ADGRL2: variants seen among roughly 807,000 people sequenced by gnomAD.
ADGRL2 encodes the protein adhesion G protein-coupled receptor L2.
A neutral mutation model predicts 157.4 loss-of-function variants in ADGRL2; 44 were observed. The observed-to-expected ratio is 0.28, with a 90% CI of 0.22 to 0.36. ADGRL2 has a LOEUF of 0.36. Ranked by LOEUF, ADGRL2 falls within the 10% of genes least tolerant of loss-of-function variation. The probability of loss-of-function intolerance (pLI) is 1.00; values close to 1 mark genes in which losing one functional copy is unlikely to be tolerated. For missense variants in ADGRL2, 1,510 were observed against 1,768.9 expected, an observed-to-expected ratio of 0.85 and a Z score of 2.63; for synonymous variants, 585 against 624.7, an observed-to-expected ratio of 0.94 and a Z score of 0.95.
chr1:81,777,622 G>A (rs2086639126), intron 2 of ADGRL2, among the ~76,000 whole-genome samples: 1 of 152,066 alleles, frequency 6.6e-6, no homozygotes, highest in Non-Finnish European at 1.5e-5. Context: ...AATTAGCCCG[G>A]TGTCATGGCA....
At chr1:81,421,172 T>C (rs2077117817) in intron 1 of ADGRL2, among the ~76,000 whole-genome samples, 1 of 152,206 alleles carries the variant, frequency 6.6e-6, no homozygotes, top group African/African-American at 2.4e-5. Context: ...TTTCTCCTAT[T>C]ACGTGTTTAT....
chr1:81,490,847 G>T (rs567818706), intron 2 of ADGRL2, among the ~76,000 whole-genome samples: 2 of 152,252 alleles, frequency 1.3e-5, no homozygotes, highest in African/African-American at 2.4e-5. Flanking sequence ...AATGTACATA[G>T]CAACTTTATT....
intron 3 of ADGRL2, among the ~76,000 whole-genome samples, chr1:81,924,981 T>G (rs2095070749): frequency 6.6e-6 from 1 of 152,106 alleles, no homozygotes; most frequent in Non-Finnish European, 1.5e-5. Flanking sequence ...AGAAGGATCC[T>G]CTGTTAGAAC....
At chr1:81,550,640 G>A (rs2080123400) in intron 2 of ADGRL2, among the ~76,000 whole-genome samples, 1 of 152,150 alleles carries the variant, frequency 6.6e-6, no homozygotes, top group Non-Finnish European at 1.5e-5. Flanking sequence ...GCAGCACGCC[G>A]AGTTGGCAGT....
At chr1:81,579,544 G>A (rs749412169) in intron 2 of ADGRL2, among the ~76,000 whole-genome samples, 5 of 152,066 alleles carry the variant, frequency 3.3e-5, no homozygotes, top group Non-Finnish European at 5.9e-5. Flanking sequence ...TATATTTGAT[G>A]GTGAAAAAGT....
rs2094037084 is a variant in ADGRL2, at chr1:81,883,363, A to G, written c.74-23654A>G. 2.6e-5 allele frequency among the ~76,000 whole-genome samples: 4 copies of G among 152,212 alleles called. No individual in the cohort carries two copies. In the South Asian group the frequency reaches 6.2e-4, roughly 24 times the overall value. The stretch of plus-strand genomic sequence containing the variant: ...CGTAAATGTCAAATTAACACAGGCC[A>G]GTAGGAACATTTGTGATCATGTTCT... On this transcript the variant is annotated intron_variant, in intron 2 of 23. Transcript: ENST00000686636.
intron 1 of ADGRL2, among the ~76,000 whole-genome samples, chr1:81,719,642 T>C (rs1247311678): frequency 6.6e-6 from 1 of 152,220 alleles, no homozygotes; most frequent in Non-Finnish European, 1.5e-5. Flanking sequence ...CTTTTCTCTT[T>C]ACTCTCTCCA....
At chr1:81,891,069 G>T (rs1337811146) in intron 2 of ADGRL2, among the ~76,000 whole-genome samples, 4 of 151,422 alleles carry the variant, frequency 2.6e-5, no homozygotes, top group Admixed American at 1.3e-4. Flanking sequence ...TCTTGTTTTT[G>T]TTTTTTATTT....
intron 1 of ADGRL2, among the ~76,000 whole-genome samples, chr1:81,317,260 A>C: frequency 6.6e-6 from 1 of 152,158 alleles, no homozygotes; most frequent in East Asian, 1.9e-4. Flanking sequence ...GTAGCTCAGA[A>C]GGAGGTATTT....
rs1040664474 is a variant in ADGRL2, at chr1:81,446,395, G to T, written c.-248+1306G>T. ...GCACAGTTCTTCCAGATCACAAACG[G>T]ATGATTATGATCACCATTAGCACTT... On this transcript the variant is annotated intron_variant, in intron 2 of 24. Transcript: ENST00000370721. Among the ~76,000 whole-genome samples the T allele has an allele frequency of 5.3e-5, 8 of 152,142 alleles. No individual in the cohort carries two copies. The South Asian group carries it at 1.5e-3, about 28-fold the overall frequency.
intron 1 of ADGRL2, chr1:81,721,735 G>T: frequency 7.0e-7 from 1 of 1,419,600 alleles, no homozygotes; most frequent in Admixed American, 1.7e-5. Context: ...TTGTGAAAAT[G>T]TGTAAGCAGG....
intron 1 of ADGRL2, among the ~76,000 whole-genome samples, chr1:81,829,843 A>G (rs868799375): frequency 1.3e-5 from 2 of 152,168 alleles, no homozygotes; most frequent in Non-Finnish European, 1.5e-5. Context: ...CTACCCTTAT[A>G]TAGTTGCTGA....
intron 3 of ADGRL2, among the ~76,000 whole-genome samples, chr1:81,651,244 A>G (rs1230238679): frequency 1.3e-5 from 2 of 152,068 alleles, no homozygotes; most frequent in Admixed American, 1.3e-4. Flanking sequence ...TTCAGTTTAC[A>G]TTTTCTACTA....
At chr1:81,611,467 C>G (rs2148670344) in intron 3 of ADGRL2, among the ~76,000 whole-genome samples, 1 of 152,250 alleles carries the variant, frequency 6.6e-6, no homozygotes, top group Middle Eastern at 3.4e-3. Context: ...AAAAAAACTC[C>G]CAACAACACA....
chr1:81,393,307 C>T (rs11163274), intron 1 of ADGRL2, among the ~76,000 whole-genome samples: 12,416 of 150,974 alleles, frequency 0.082, 712 homozygotes, highest in Admixed American at 0.17. Flanking sequence ...GTGAATAGAG[C>T]CTGGTTATGT....
At chr1:81,703,282 G>A (rs963070884) in intron 1 of ADGRL2, among the ~76,000 whole-genome samples, 4 of 152,330 alleles carry the variant, frequency 2.6e-5, no homozygotes, top group African/African-American at 9.6e-5. Flanking sequence ...TTTTAGGCAA[G>A]TGGAGATTTG....
At chr1:81,524,157 G>A (rs2079394548) in intron 2 of ADGRL2, among the ~76,000 whole-genome samples, 1 of 151,834 alleles carries the variant, frequency 6.6e-6, no homozygotes, top group Non-Finnish European at 1.5e-5. Context: ...TCAGGAGATC[G>A]AGACCATCCT....
chr1:81,557,478 GAAAGAAGAAAGA>G (rs2080322044), intron 2 of ADGRL2: 12 of 74,380 alleles, frequency 1.6e-4, no homozygotes, highest in Admixed American at 1.1e-3. Flanking sequence ...AAGAAAGAAA[GAAAGAAGAAAGA>G]AAGAAAGAAA....
intron 1 of ADGRL2, among the ~76,000 whole-genome samples, chr1:81,416,690 T>C (rs1010432850): frequency 6.6e-6 from 1 of 152,200 alleles, no homozygotes; most frequent in Non-Finnish European, 1.5e-5. Context: ...TAAGATAACC[T>C]ACTAAATGTA....
Sources: allele counts gnomAD v4.1 joint callset (sites outside exome capture counted in the v4.1 genomes callset), GRCh38; gene constraint gnomAD v4.1.1; transcripts MANE v1.5; gene names NCBI Gene and HGNC (gene_info 2026-07-23, HGNC 2026-07-21).